The following ZRANB3 variants were observed in gnomAD, a reference collection of about 807,000 sequenced individuals.
The protein encoded by ZRANB3 is DNA annealing helicase and endonuclease ZRANB3.
Under a neutral mutation model 133.8 loss-of-function variants are expected in ZRANB3, and 125 were observed. That is an observed-to-expected ratio of 0.93 (90% confidence interval 0.81 to 1.08). The LOEUF (loss-of-function observed/expected upper bound fraction) is 1.08. ZRANB3 is among the 50% of genes least tolerant of loss of function. ZRANB3 has a pLI of 0.00. For synonymous variants in ZRANB3, 387 were observed against 432.7 expected, an observed-to-expected ratio of 0.89 and a Z score of 1.31; for missense variants, 1,229 against 1,275.5, an observed-to-expected ratio of 0.96 and a Z score of 0.56.
At position 135,230,727 on chromosome 2, in the gene ZRANB3, C is replaced by G; in HGVS notation, c.1740G>C (p.Leu580Phe). 6.2e-7 allele frequency: 1 copy of G among 1,612,904 alleles called. No individual in the cohort carries two copies. Among genetic ancestry groups the G allele is most frequent in the Non-Finnish European group, 8.5e-7 (1 of 1,179,584 alleles). ...DVEPETKRLK[L>F]AASEDHCSPS... ...GACTGCAGTGGTCTTCCGAGGCAGC[C>G]AATTTCAATCTTTTCGTTTCAGGTT... Residue 580 changes from leucine to phenylalanine, a missense_variant, in exon 13 of 21, where the codon TTG becomes TTC. By Grantham distance (22) the Leu-to-Phe change is conservative (BLOSUM62 0). Transcript: ENST00000264159.
chr2:135,242,116 T>C (rs1340446373), intron 12 of ZRANB3, among the ~76,000 whole-genome samples: 1 of 151,770 alleles, frequency 6.6e-6, no homozygotes, highest in East Asian at 1.9e-4. Flanking sequence ...GAAGCAGAGG[T>C]TGTAGCGAGC....
Position 135,315,122 on chromosome 2 carries a change from A to G in ZRANB3, c.849+237T>C, listed in dbSNP as rs569620048. Among the ~76,000 whole-genome samples the G allele has an allele frequency of 2.2e-4, 33 of 152,256 alleles. No homozygotes were observed. In the South Asian group the frequency reaches 5.8e-3, roughly 27 times the overall value. On this transcript the variant is annotated intron_variant, in intron 7 of 20. Coordinates refer to ENST00000264159, the MANE Select transcript of ZRANB3 (RefSeq NM_032143.4). ...TTGCAATTGAAGTTCTTTTTTCAGC[A>G]AAAATACTTTTTTTTTAAACCACTA...
chr2:135,341,538 A>T lies in ZRANB3; in HGVS notation c.677+4012T>A, dbSNP rs1423113640. ...AACAATATGAAATCTGGGCACCTTG[A>T]AAAAAGAACAGGGTAACAGCGATGT... is the stretch of plus-strand genomic sequence containing the variant. On this transcript the variant is annotated intron_variant, in intron 6 of 20. Coordinates refer to ENST00000264159, the MANE Select transcript of ZRANB3 (RefSeq NM_032143.4). Among the ~76,000 whole-genome samples the T allele has an allele frequency of 2.7e-5, 4 of 150,000 alleles. 1 individual carries two copies. The highest frequency in any genetic ancestry group is 1.0e-4 in the African/African-American group (4 of 39,300).
chr2:135,370,033 CTT>C lies in ZRANB3; in HGVS notation c.181-16407_181-16406del, dbSNP rs548070677. On this transcript the variant is annotated intron_variant, in intron 3 of 20. Coordinates refer to ENST00000264159, the MANE Select transcript of ZRANB3 (RefSeq NM_032143.4). ...ACTTGATTAGAGGGAGGGCATGTTT[CTT>C]TTTTTTTTTTTTTTTTTAATATCCT... is the stretch of plus-strand genomic sequence containing the variant. Among the ~76,000 whole-genome samples, 113 of 119,344 alleles carry C rather than the reference CTT, an allele frequency of 9.5e-4. 1 individual carries two copies. Among genetic ancestry groups the C allele is most frequent in the South Asian group, 8.5e-3 (33 of 3,904 alleles). 78.3% of individuals were successfully genotyped at this position (119,344 alleles called of 152,430 possible). A position where few individuals can be genotyped will look rare whatever the true frequency, so the allele number is the denominator to read the frequency against.
chr2:135,238,689 G>C (rs1443491440), intron 12 of ZRANB3: 2 of 152,376 alleles, frequency 1.3e-5, no homozygotes, highest in African/African-American at 2.4e-5. Flanking sequence ...TCTGAGGCTA[G>C]GTCATTGAAG....
intron 4 of ZRANB3, among the ~76,000 whole-genome samples, chr2:135,352,617 GTTTCC>G (rs1486201784): frequency 3.3e-5 from 5 of 152,024 alleles, no homozygotes; most frequent in Non-Finnish European, 7.4e-5. Flanking sequence ...TACATTTTGT[GTTTCC>G]TCCTTCCACA....
chr2:135,324,674 T>C (rs1683721518), intron 6 of ZRANB3, among the ~76,000 whole-genome samples: 1 of 152,222 alleles, frequency 6.6e-6, no homozygotes, highest in African/African-American at 2.4e-5. Flanking sequence ...TCCATAATGG[T>C]TGAAACAGTT....
At chr2:135,395,543 T>C (rs760838787) in intron 2 of ZRANB3, among the ~76,000 whole-genome samples, 1 of 151,640 alleles carries the variant, frequency 6.6e-6, no homozygotes, top group Non-Finnish European at 1.5e-5. Flanking sequence ...CTACAACCTC[T>C]GCCTCCCACG....
At chr2:135,455,484 G>A (rs923371900) in intron 2 of ZRANB3, among the ~76,000 whole-genome samples, 4 of 151,226 alleles carry the variant, frequency 2.6e-5, no homozygotes, top group African/African-American at 4.9e-5. Flanking sequence ...CACCATGGCC[G>A]GCCGACTTCT....
chr2:135,518,166 C>G (rs1693778370), intron 1 of ZRANB3, among the ~76,000 whole-genome samples: 1 of 152,152 alleles, frequency 6.6e-6, no homozygotes, highest in African/African-American at 2.4e-5. Flanking sequence ...GTGAGAATTT[C>G]AAGCCAGTGG....
At chr2:135,527,727 C>T (rs1694219536) in intron 1 of ZRANB3, among the ~76,000 whole-genome samples, 1 of 152,068 alleles carries the variant, frequency 6.6e-6, no homozygotes, top group Non-Finnish European at 1.5e-5. Flanking sequence ...ATCTATTCAG[C>T]CACAACCATA....
At chr2:135,462,575 C>T (rs557690094) in intron 2 of ZRANB3, among the ~76,000 whole-genome samples, 4 of 149,350 alleles carry the variant, frequency 2.7e-5, no homozygotes, top group African/African-American at 9.9e-5. Context: ...TCCTTCCTTC[C>T]TCCCTCCCTC....
intron 1 of ZRANB3, among the ~76,000 whole-genome samples, chr2:135,514,561 T>C (rs1223135965): frequency 6.6e-6 from 1 of 152,248 alleles, no homozygotes; most frequent in Non-Finnish European, 1.5e-5. Flanking sequence ...TGGGGTTTTC[T>C]AAATATACAA....
At chr2:135,476,561 A>G (rs1225445958) in intron 2 of ZRANB3, among the ~76,000 whole-genome samples, 2 of 152,170 alleles carry the variant, frequency 1.3e-5, no homozygotes, top group Admixed American at 6.5e-5. Context: ...ATGTTTAGAT[A>G]AAACAAAAGG....
At chr2:135,475,213 G>C (rs1055503421) in intron 2 of ZRANB3, among the ~76,000 whole-genome samples, 12 of 152,118 alleles carry the variant, frequency 7.9e-5, no homozygotes, top group Non-Finnish European at 1.5e-5. Flanking sequence ...CCAATTTCTA[G>C]TTTCTGAATA....
chr2:135,383,217 T>A (rs1339628481), intron 3 of ZRANB3, among the ~76,000 whole-genome samples: 3 of 151,604 alleles, frequency 2.0e-5, no homozygotes, highest in African/African-American at 7.3e-5. Flanking sequence ...TAAAACAGAC[T>A]TTAAACCAAC....
chr2:135,494,952 C>T (rs1692597962), intron 2 of ZRANB3, among the ~76,000 whole-genome samples: 1 of 152,076 alleles, frequency 6.6e-6, no homozygotes, highest in African/African-American at 2.4e-5. Flanking sequence ...AGTTAAATTC[C>T]AGCCATGTGC....
intron 9 of ZRANB3, among the ~76,000 whole-genome samples, chr2:135,273,464 T>A (rs1680635887): frequency 6.6e-6 from 1 of 152,050 alleles, no homozygotes; most frequent in Non-Finnish European, 1.5e-5. Context: ...TCTCTCAGGG[T>A]CTTTCTAAAG....
chr2:135,511,033 A>G, intron 1 of ZRANB3: 2 of 779,114 alleles, frequency 2.6e-6, no homozygotes, highest in Admixed American at 3.4e-5. Flanking sequence ...CGTTGTTCTC[A>G]CATCCTTTGA....
Sources: gnomAD v4.1 joint callset for allele counts (sites outside exome capture counted in the v4.1 genomes callset) on GRCh38, gnomAD v4.1.1 for gene constraint, MANE v1.5 for transcripts, NCBI Gene and HGNC (gene_info 2026-07-23, HGNC 2026-07-21) for gene names.